The following HS6ST3 variants were observed in gnomAD, a reference collection of about 807,000 sequenced individuals.
HS6ST3 encodes the protein heparan sulfate 6-O-sulfotransferase 3.
HS6ST3 carries 12 observed loss-of-function variants against 36.7 expected under a neutral mutation model. That is an observed-to-expected ratio of 0.33 (90% CI 0.21 to 0.53). The LOEUF is 0.53. HS6ST3 is among the 20% of genes least tolerant of loss of function. The pLI is 0.95. For synonymous variants in HS6ST3, 240 were observed against 257.5 expected (o/e 0.93, Z 0.65); for missense variants, 584 against 640.9 (o/e 0.91, Z 0.96).
chr13:96,118,648 AT>A (rs2053905502), intron 1 of HS6ST3, among the ~76,000 whole-genome samples: 2 of 3,720 alleles, frequency 5.4e-4, no homozygotes, highest in Non-Finnish European at 1.8e-3. Context: ...CATTAAAGAT[AT>A]ATATATATAT....
At chr13:96,772,224 G>A (rs1417463732) in intron 1 of HS6ST3, among the ~76,000 whole-genome samples, 1 of 152,178 alleles carries the variant, frequency 6.6e-6, no homozygotes, top group African/African-American at 2.4e-5. Flanking sequence ...CAGCTGCCTC[G>A]GGCCTCCTGC....
intron 1 of HS6ST3, among the ~76,000 whole-genome samples, chr13:96,518,158 T>C (rs1420630765): frequency 6.6e-6 from 1 of 152,180 alleles, no homozygotes; most frequent in Non-Finnish European, 1.5e-5. Flanking sequence ...ACCATTTGGG[T>C]TTCCTTGAAA....
chr13:96,434,106 C>T (rs1432826425), intron 1 of HS6ST3, among the ~76,000 whole-genome samples: 2 of 152,132 alleles, frequency 1.3e-5, no homozygotes, highest in African/African-American at 4.8e-5. Context: ...GAAGAAATCA[C>T]CCTGCCTACT....
intron 1 of HS6ST3, among the ~76,000 whole-genome samples, chr13:96,338,791 C>T (rs1334737033): frequency 6.6e-6 from 1 of 152,120 alleles, no homozygotes; most frequent in African/African-American, 2.4e-5. Flanking sequence ...CCTTTCTCGT[C>T]ATTTGGTGGG....
intron 1 of HS6ST3, among the ~76,000 whole-genome samples, chr13:96,698,589 T>C (rs148652891): frequency 0.015 from 2,268 of 152,154 alleles, 54 homozygotes; most frequent in African/African-American, 0.051. Context: ...CTGCAAACCA[T>C]TGATCAATAA....
intron 1 of HS6ST3, among the ~76,000 whole-genome samples, chr13:96,171,439 C>A (rs943811069): frequency 2.0e-5 from 3 of 152,232 alleles, no homozygotes; most frequent in African/African-American, 2.4e-5. Flanking sequence ...TTGCAGAATT[C>A]TTTGATTTGG....
chr13:96,829,365 C>T (rs966758210), intron 1 of HS6ST3, among the ~76,000 whole-genome samples: 7 of 151,146 alleles, frequency 4.6e-5, no homozygotes, highest in African/African-American at 1.7e-4. Flanking sequence ...AGTACATGTG[C>T]AGGTTTGTTA....
At chr13:96,396,107 A>C (rs1215030707) in intron 1 of HS6ST3, among the ~76,000 whole-genome samples, 2 of 152,098 alleles carry the variant, frequency 1.3e-5, no homozygotes, top group Non-Finnish European at 2.9e-5. Context: ...TGAGGTGAGG[A>C]GTTCAAGACG....
intron 1 of HS6ST3, among the ~76,000 whole-genome samples, chr13:96,829,452 G>C (rs1878722952): frequency 6.6e-6 from 1 of 151,950 alleles, no homozygotes; most frequent in South Asian, 2.1e-4. Flanking sequence ...GTACCCATTA[G>C]TAATTTTTCC....
At chr13:96,475,544 A>C (rs2055859465) in intron 1 of HS6ST3, among the ~76,000 whole-genome samples, 1 of 151,720 alleles carries the variant, frequency 6.6e-6, no homozygotes, top group East Asian at 1.9e-4. Flanking sequence ...TAAGACACGT[A>C]TCAGCAAAAG....
intron 1 of HS6ST3, among the ~76,000 whole-genome samples, chr13:96,336,195 A>T (rs2055100129): frequency 6.6e-6 from 1 of 152,200 alleles, no homozygotes; most frequent in African/African-American, 2.4e-5. Flanking sequence ...TAGTTCTATA[A>T]GACTTTTAAC....
At chr13:96,764,546 A>AT (rs1877048356) in intron 1 of HS6ST3, among the ~76,000 whole-genome samples, 1 of 152,228 alleles carries the variant, frequency 6.6e-6, no homozygotes, top group African/African-American at 2.4e-5. Context: ...CTCAGCATCG[A>AT]TTAGATACAG....
chr13:96,795,577 A>T (rs916143412), intron 1 of HS6ST3, among the ~76,000 whole-genome samples: 6 of 152,144 alleles, frequency 3.9e-5, no homozygotes, highest in Admixed American at 6.6e-5. Flanking sequence ...TTAGTCATTA[A>T]TAGCTGTCTT....
chr13:96,242,641 C>A (rs889099630), intron 1 of HS6ST3, among the ~76,000 whole-genome samples: 4 of 151,722 alleles, frequency 2.6e-5, no homozygotes, highest in African/African-American at 9.7e-5. Flanking sequence ...GAAACGATTT[C>A]TTTTCTTTTT....
intron 1 of HS6ST3, among the ~76,000 whole-genome samples, chr13:96,759,130 G>A (rs537417644): frequency 6.6e-6 from 1 of 151,252 alleles, no homozygotes; most frequent in Non-Finnish European, 1.5e-5. Flanking sequence ...TTATATTTAC[G>A]TTTTACATGG....
chr13:96,608,448 T>G (rs933828721), intron 1 of HS6ST3, among the ~76,000 whole-genome samples: 2 of 152,210 alleles, frequency 1.3e-5, no homozygotes, highest in Non-Finnish European at 2.9e-5. Flanking sequence ...CTAATAGTCA[T>G]GACAAAAGAT....
chr13:96,208,719 G>C (rs576458198), intron 1 of HS6ST3, among the ~76,000 whole-genome samples: 1 of 152,310 alleles, frequency 6.6e-6, no homozygotes, highest in Non-Finnish European at 1.5e-5. Flanking sequence ...ATATTAGACA[G>C]TGTTAAATAG....
chr13:96,542,724 A>G (rs1387345739), intron 1 of HS6ST3, among the ~76,000 whole-genome samples: 5 of 152,150 alleles, frequency 3.3e-5, no homozygotes, highest in Non-Finnish European at 5.9e-5. Context: ...CCTCCACTCA[A>G]GATCATTCAA....
At chr13:96,109,273 G>A (rs116474127) in intron 1 of HS6ST3, among the ~76,000 whole-genome samples, 210 of 152,184 alleles carry the variant, frequency 1.4e-3, no homozygotes, top group African/African-American at 4.6e-3. Flanking sequence ...ATGTGAGCTG[G>A]GCCCTAGTGT....
Sources: allele counts gnomAD v4.1 joint callset (sites outside exome capture counted in the v4.1 genomes callset), GRCh38; gene constraint gnomAD v4.1.1; transcripts MANE v1.5; gene names NCBI Gene and HGNC (gene_info 2026-07-23, HGNC 2026-07-21).